PPFIBP2: variants seen among roughly 807,000 people sequenced by gnomAD.
PPFIBP2 encodes liprin-beta-2.
PPFIBP2 carries 118 observed loss-of-function variants against 118.3 expected under a neutral mutation model. The ratio of observed to expected loss-of-function variants is 1.00; its 90% confidence interval spans 0.86 to 1.16. The LOEUF (loss-of-function observed/expected upper bound fraction) is 1.16. Ranked by LOEUF, PPFIBP2 falls within the 50% of genes most tolerant of loss-of-function variation. The pLI, the probability that PPFIBP2 is intolerant of heterozygous loss-of-function variation, is 0.00. For synonymous variants in PPFIBP2, 414 were observed against 397.4 expected (o/e 1.04, Z -0.50); for missense variants, 1,195 against 1,073.1 (o/e 1.11, Z -1.59).
At chr11:7,657,737 G>A (rs1170548088), downstream of PPFIBP2, among the ~76,000 whole-genome samples, 1 of 152,202 alleles carries the variant, frequency 6.6e-6, no homozygotes, top group African/African-American at 2.4e-5. Context: ...TCAAGGCACG[G>A]CAAAGAGACC....
intron 14 of PPFIBP2, among the ~76,000 whole-genome samples, chr11:7,638,859 C>T (rs1358295961): frequency 6.6e-6 from 1 of 152,204 alleles, no homozygotes; most frequent in Non-Finnish European, 1.5e-5. Context: ...TGGGACCTTT[C>T]CATGGCCAGG....
At chr11:7,629,875 T>A (rs1850525896) in intron 10 of PPFIBP2, among the ~76,000 whole-genome samples, 2 of 152,152 alleles carry the variant, frequency 1.3e-5, no homozygotes, top group African/African-American at 2.4e-5. Flanking sequence ...AAAAATCAAC[T>A]CAGTGCCATC....
rs763781542 is a variant in PPFIBP2, at chr11:7,649,655, G to A, written c.2121+1G>A. 11 of 1,614,210 alleles carry A rather than the reference G, an allele frequency of 6.8e-6. No homozygotes were observed. Among genetic ancestry groups the A allele is most frequent in the Non-Finnish European group, 9.3e-6 (11 of 1,180,038 alleles). On this transcript the variant is annotated splice_donor_variant, in intron 21 of 23. Coordinates refer to ENST00000299492, the MANE Select transcript of PPFIBP2 (RefSeq NM_003621.5). LOFTEE classifies it high-confidence loss of function. ...CCTGCACCGGCGGCCAGCTGATGAGGTGAGACCACAAATAGTATCTCTCCA... is the reference window on the plus strand; with the variant it reads ...CCTGCACCGGCGGCCAGCTGATGAGATGAGACCACAAATAGTATCTCTCCA...
intron 6 of PPFIBP2, chr11:7,617,245 C>T (rs972564189): frequency 1.0e-6 from 1 of 985,416 alleles, no homozygotes; most frequent in Non-Finnish European, 1.2e-6. Flanking sequence ...GACGGTGTGG[C>T]CGAGCCCCAG....
chr11:7,651,778 A>C lies in PPFIBP2; in HGVS notation c.2370A>C (p.Glu790Asp). 6.2e-7 allele frequency: 1 copy of C among 1,614,074 alleles called. No homozygotes were observed. Among genetic ancestry groups the C allele is most frequent in the Non-Finnish European group, 8.5e-7 (1 of 1,179,944 alleles). The change falls in exon 23 of 24, where the codon GAA (glutamate) becomes GAC (aspartate). Residue 790 changes from glutamate (E) to aspartate (D), a missense_variant. Transcript: ENST00000299492. ...KFNALIGPEA[E>D]QEKREKMASP... ...ATGCCTTGATTGGTCCGGAGGCTGA[A>C]CAGGAGAAGCGAGAGAAAATGGCCT...
At position 7,579,043 on chromosome 11, in the gene PPFIBP2, T is replaced by TGG. The variant is rs542290270; in HGVS notation, c.279+13283_279+13284dup. On this transcript the variant is annotated intron_variant, in intron 3 of 23. Transcript: ENST00000299492. ...AGCAGGGAAGTGACATGGGATACAT[T>TGG]GGGGGGGGTCTAGTTTGTATTTTAA... Among the ~76,000 whole-genome samples, 616 of 150,078 alleles carry TGG rather than the reference T, an allele frequency of 4.1e-3. 7 individuals carry two copies. The highest frequency in any genetic ancestry group is 0.014 in the African/African-American group (587 of 40,672).
Position 7,549,154 on chromosome 11 carries a change from C to A in PPFIBP2, c.-36-286C>A, listed in dbSNP as rs756869018. Reference sequence around the variant, plus strand: ...CTGGAACCTGGGACTCCAATTGTTACACCTGGTGAGGTGTTAACAATTGCC... The same window carrying A: ...CTGGAACCTGGGACTCCAATTGTTAAACCTGGTGAGGTGTTAACAATTGCC... On this transcript the variant is annotated intron_variant, in intron 1 of 23. Coordinates refer to ENST00000299492, the MANE Select transcript of PPFIBP2 (RefSeq NM_003621.5). Among the ~76,000 whole-genome samples, 115 of 152,202 alleles carry A rather than the reference C, an allele frequency of 7.6e-4. 1 individual carries two copies. Among genetic ancestry groups the A allele is most frequent in the Non-Finnish European group, 8.1e-4 (55 of 68,036 alleles).
intron 5 of PPFIBP2, chr11:7,598,311 CT>C (rs779072105): frequency 3.4e-6 from 1 of 290,032 alleles, no homozygotes; most frequent in South Asian, 3.2e-5. Context: ...AAAATTTTTG[CT>C]GTATTGTCAT....
intron 5 of PPFIBP2, among the ~76,000 whole-genome samples, chr11:7,608,431 A>G (rs933969925): frequency 6.6e-6 from 1 of 152,136 alleles, no homozygotes; most frequent in African/African-American, 2.4e-5. Context: ...ACTGGAGATC[A>G]GGAGTTCAAG....
In PPFIBP2 at chr11:7,653,237, T is replaced by C. The variant is rs1327208263; in HGVS notation, c.*19T>C. On this transcript the variant is annotated 3_prime_UTR_variant, in exon 24 of 24. Transcript: ENST00000299492. The stretch of plus-strand genomic sequence containing the variant: ...TAGCTGATGCCCTTGTCACCTGCCC[T>C]CTGTGCACCCTGAGAGCTCACAGTA... The C allele has an allele frequency of 4.3e-6, 7 of 1,613,628 alleles. No homozygotes were observed. The Admixed American group carries it at 8.3e-5, about 19-fold the overall frequency.
intron 1 of PPFIBP2, among the ~76,000 whole-genome samples, chr11:7,541,652 T>C (rs1023079046): frequency 4.6e-5 from 7 of 152,206 alleles, no homozygotes; most frequent in African/African-American, 1.7e-4. Flanking sequence ...ATTGCTTAAA[T>C]ACATCTTTAT....
chr11:7,641,892 T>C, intron 16 of PPFIBP2: 1 of 480,346 alleles, frequency 2.1e-6, no homozygotes, highest in East Asian at 3.7e-5. Flanking sequence ...CTGCAGCTTA[T>C]ATTACATTGG....
chr11:7,666,161 A>T, the PPFIBP2 span: 1 of 600,274 alleles, frequency 1.7e-6, no homozygotes. Flanking sequence ...GGCTGTGTGG[A>T]ATGGGTGGGT....
intron 1 of PPFIBP2, among the ~76,000 whole-genome samples, chr11:7,541,546 C>A (rs1851783171): frequency 1.3e-5 from 2 of 152,226 alleles, no homozygotes; most frequent in African/African-American, 2.4e-5. Context: ...TCTCCTTTGT[C>A]CATTCCTCTT....
chr11:7,564,662 A>G (rs1340678260), intron 2 of PPFIBP2, among the ~76,000 whole-genome samples: 2 of 152,154 alleles, frequency 1.3e-5, no homozygotes, highest in Non-Finnish European at 2.9e-5. Flanking sequence ...TCCCTGTTCC[A>G]CTTGGTGTCA....
Position 7,653,214 on chromosome 11 carries a change from G to C in PPFIBP2, c.2627G>C (p.Ser876Thr). ...GGGCTGGACCAGGTGGGACAGATTA[G>C]CTGATGCCCTTGTCACCTGCCCTCT... The part of the protein sequence containing the change: ...LDGLDQVGQI[S>T] The change falls in exon 24 of 24, where the codon AGC becomes ACC. Residue 876 changes from serine (S) to threonine (T), a missense_variant. Physicochemically the swap from Ser to Thr is moderately conservative, Grantham distance 58. Coordinates refer to ENST00000299492, the MANE Select transcript of PPFIBP2 (RefSeq NM_003621.5). 1 of 1,614,106 alleles carries C rather than the reference G, an allele frequency of 6.2e-7. No homozygotes were observed. The highest frequency in any genetic ancestry group is 8.5e-7 in the Non-Finnish European group (1 of 1,180,026).
chr11:7,664,140 G>A, the PPFIBP2 span, among the ~76,000 whole-genome samples: 2 of 152,318 alleles, frequency 1.3e-5, no homozygotes, highest in African/African-American at 4.8e-5. Flanking sequence ...GTAGACCGGA[G>A]CTGTTCCTAT....
chr11:7,592,736 T>TC (rs980462786), intron 3 of PPFIBP2, among the ~76,000 whole-genome samples: 11 of 152,182 alleles, frequency 7.2e-5, no homozygotes, highest in African/African-American at 2.7e-4. Flanking sequence ...TCCCATGTAG[T>TC]CCCTTGGAGA....
At chr11:7,655,342 C>A (rs776287946), downstream of PPFIBP2, 1 of 1,026,646 alleles carries the variant, frequency 9.7e-7, no homozygotes, top group Admixed American at 2.3e-5. Flanking sequence ...CCTGGAGAAG[C>A]CAGGCTTGAG....
Sources: gnomAD v4.1 joint callset for allele counts (sites outside exome capture counted in the v4.1 genomes callset) on GRCh38, gnomAD v4.1.1 for gene constraint, MANE v1.5 for transcripts, NCBI Gene and HGNC (gene_info 2026-07-23, HGNC 2026-07-21) for gene names.